Variants in VOPP1 observed in about 807,000 individuals in gnomAD.
VOPP1 encodes WW domain binding protein VOPP1.
In VOPP1, 8 loss-of-function variants were observed where a neutral mutation model predicts 23.5. The ratio of observed to expected loss-of-function variants is 0.34; its 90% CI spans 0.20 to 0.61. The LOEUF (loss-of-function observed/expected upper bound fraction) is 0.61. Among genes scored for constraint, VOPP1 ranks in the 20% least tolerant of loss-of-function variants. The pLI, the probability that VOPP1 is intolerant of heterozygous loss-of-function variation, is 0.78. For synonymous variants in VOPP1, 83 were observed against 97.3 expected (o/e 0.85, Z 0.86); for missense variants, 174 against 238.1 (o/e 0.73, Z 1.77).
intron 1 of VOPP1, among the ~76,000 whole-genome samples, chr7:55,567,741 G>A (rs912062323): frequency 1.3e-5 from 2 of 152,168 alleles, no homozygotes; most frequent in African/African-American, 4.8e-5. Flanking sequence ...TGACCACCTG[G>A]CCTCCCGTGG....
intron 1 of VOPP1, among the ~76,000 whole-genome samples, chr7:55,529,803 C>T (rs113636552): frequency 8.8e-4 from 134 of 152,268 alleles, no homozygotes; most frequent in African/African-American, 3.2e-3. Context: ...ATAGTCTTGC[C>T]TTTGCTATAA....
intron 4 of VOPP1, among the ~76,000 whole-genome samples, chr7:55,452,457 G>C (rs1177821158): frequency 2.6e-5 from 4 of 152,148 alleles, no homozygotes; most frequent in African/African-American, 9.7e-5. Flanking sequence ...AATCACAAAT[G>C]TTCTTAACAG....
chr7:55,451,070 G>A (rs2129001613), intron 4 of VOPP1, among the ~76,000 whole-genome samples: 1 of 152,280 alleles, frequency 6.6e-6, no homozygotes, highest in African/African-American at 2.4e-5. Context: ...ATCTCCTAGG[G>A]AGGAGATTCA....
chr7:55,482,161 G>C (rs925103727), intron 4 of VOPP1, among the ~76,000 whole-genome samples: 1 of 151,892 alleles, frequency 6.6e-6, no homozygotes, highest in Non-Finnish European at 1.5e-5. Context: ...GTAAATCTAT[G>C]GAATATTTCT....
chr7:55,521,516 C>A, intron 1 of VOPP1: 1 of 1,022,116 alleles, frequency 9.8e-7, no homozygotes, highest in Non-Finnish European at 1.2e-6. Flanking sequence ...AGAGACATCT[C>A]CAATAGATTT....
At chr7:55,550,048 A>AG (rs1166472384) in intron 1 of VOPP1, among the ~76,000 whole-genome samples, 2 of 152,244 alleles carry the variant, frequency 1.3e-5, no homozygotes, top group Admixed American at 1.3e-4. Context: ...GGCCGGGCCA[A>AG]GGGGACTGCA....
intron 1 of VOPP1, among the ~76,000 whole-genome samples, chr7:55,538,203 T>C (rs943110827): frequency 6.6e-6 from 1 of 152,240 alleles, no homozygotes; most frequent in African/African-American, 2.4e-5. Context: ...AAAGTCAGTC[T>C]ATTTTGCTAC....
chr7:55,463,066 T>C (rs1791545165), intron 4 of VOPP1, among the ~76,000 whole-genome samples: 1 of 152,160 alleles, frequency 6.6e-6, no homozygotes. Context: ...CTAGTTTTAT[T>C]CCATTGTAGT....
intron 4 of VOPP1, among the ~76,000 whole-genome samples, chr7:55,457,041 G>C (rs1791384406): frequency 6.6e-6 from 1 of 152,098 alleles, no homozygotes. Context: ...CTTTCGAGCT[G>C]TAACTTTGTA....
chr7:55,455,242 A>C (rs1250162576), intron 4 of VOPP1, among the ~76,000 whole-genome samples: 1 of 152,192 alleles, frequency 6.6e-6, no homozygotes, highest in Non-Finnish European at 1.5e-5. Flanking sequence ...TAGGAATACA[A>C]CTTACAAGGG....
chr7:55,547,308 T>C (rs1255669739), intron 1 of VOPP1, among the ~76,000 whole-genome samples: 1 of 152,172 alleles, frequency 6.6e-6, no homozygotes, highest in Non-Finnish European at 1.5e-5. Flanking sequence ...TGGGGCTACA[T>C]GCATTCATGT....
chr7:55,527,685 G>A (rs577306710), intron 1 of VOPP1, among the ~76,000 whole-genome samples: 3 of 152,236 alleles, frequency 2.0e-5, no homozygotes, highest in South Asian at 4.1e-4. Flanking sequence ...AAAGGTAGAA[G>A]CAGAGGAAAC....
chr7:55,437,868 G>A (rs1187916592), intron 4 of VOPP1, among the ~76,000 whole-genome samples: 6 of 150,336 alleles, frequency 4.0e-5, no homozygotes, highest in Admixed American at 3.3e-4. Context: ...TTTTATATCA[G>A]TGTATCTTTT....
chr7:55,473,924 T>C (rs1328655252), intron 4 of VOPP1, among the ~76,000 whole-genome samples: 1 of 152,142 alleles, frequency 6.6e-6, no homozygotes, highest in Middle Eastern at 3.2e-3. Flanking sequence ...TTTTCTTTTT[T>C]TGCAATTCTC....
intron 1 of VOPP1, chr7:55,561,993 G>A: frequency 1.4e-6 from 1 of 703,648 alleles, no homozygotes; most frequent in Non-Finnish European, 2.6e-6. Context: ...AGTCGGTTCA[G>A]TCTGCTGTAC....
intron 1 of VOPP1, among the ~76,000 whole-genome samples, chr7:55,553,489 T>C (rs893991196): frequency 2.0e-5 from 3 of 152,172 alleles, no homozygotes; most frequent in Non-Finnish European, 4.4e-5. Context: ...ATAAATATTA[T>C]TTAGATGATA....
chr7:55,473,799 G>A (rs1253336384), intron 4 of VOPP1, among the ~76,000 whole-genome samples: 4 of 152,228 alleles, frequency 2.6e-5, no homozygotes, highest in Non-Finnish European at 4.4e-5. Flanking sequence ...TGTTCCCTGG[G>A]TATAGCTGAT....
chr7:55,572,220 C>T, intron 1 of VOPP1, 51 bp downstream of exon 1: 1 of 1,471,560 alleles, frequency 6.8e-7, no homozygotes, highest in South Asian at 1.2e-5. Flanking sequence ...CCCCCAGCCG[C>T]CAGCATGGTG....
At chr7:55,496,263 C>A (rs899739002) in intron 3 of VOPP1, among the ~76,000 whole-genome samples, 2 of 152,096 alleles carry the variant, frequency 1.3e-5, no homozygotes, top group Non-Finnish European at 2.9e-5. Flanking sequence ...GTTTCACACT[C>A]CAGACGGTCC....
Sources: gnomAD v4.1 joint callset for allele counts (sites outside exome capture counted in the v4.1 genomes callset) on GRCh38, gnomAD v4.1.1 for gene constraint, MANE v1.5 for transcripts, NCBI Gene and HGNC (gene_info 2026-07-23, HGNC 2026-07-21) for gene names.